The following FBXL7 variants were observed in gnomAD, a reference collection of about 807,000 sequenced individuals.
FBXL7 encodes F-box/LRR-repeat protein 7.
In FBXL7, 12 loss-of-function variants were observed where a neutral mutation model predicts 38.3. That is an observed-to-expected ratio of 0.31 (90% confidence interval 0.20 to 0.51). The LOEUF (loss-of-function observed/expected upper bound fraction) is 0.51. FBXL7 is among the 20% of genes least tolerant of loss of function. The probability of loss-of-function intolerance (pLI) is 0.98; values close to 1 mark genes in which losing one functional copy is unlikely to be tolerated. For missense variants in FBXL7, 567 were observed against 676.4 expected (o/e 0.84, Z 1.79); for synonymous variants, 297 against 300.9 (o/e 0.99, Z 0.13).
chr5:15,641,501 C>T (rs1741367365), intron 2 of FBXL7, among the ~76,000 whole-genome samples: 1 of 140,002 alleles, frequency 7.1e-6, no homozygotes, highest in African/African-American at 2.8e-5. Context: ...TTATGACTGC[C>T]ATTTTTTTTT....
chr5:15,707,281 G>C (rs369410840), intron 2 of FBXL7, among the ~76,000 whole-genome samples: 2 of 148,480 alleles, frequency 1.3e-5, no homozygotes, highest in East Asian at 2.0e-4. Flanking sequence ...AGGGCTGCTG[G>C]TTGTCCATTT....
At chr5:15,935,360 G>A (rs1742153362) in intron 3 of FBXL7, 5 of 385,172 alleles carry the variant, frequency 1.3e-5, no homozygotes, top group Non-Finnish European at 2.6e-5. Context: ...TCTGATTCAA[G>A]GACACCTGGA....
At chr5:15,809,040 A>C (rs1020577566) in intron 2 of FBXL7, among the ~76,000 whole-genome samples, 1 of 152,132 alleles carries the variant, frequency 6.6e-6, no homozygotes, top group African/African-American at 2.4e-5. Context: ...ATTTTAAACC[A>C]ATGTCATAGA....
At chr5:15,799,356 C>CTT (rs34953272) in intron 2 of FBXL7, among the ~76,000 whole-genome samples, 47,367 of 91,084 alleles carry the variant, frequency 0.52, 12,726 homozygotes, top group Non-Finnish European at 0.6. Context: ...AAACCCCTCC[C>CTT]TTTTTTTTTT....
At chr5:15,707,540 G>A (rs1743729386) in intron 2 of FBXL7, among the ~76,000 whole-genome samples, 1 of 152,282 alleles carries the variant, frequency 6.6e-6, no homozygotes. Context: ...AGAGATGACA[G>A]ACGTTTGCAT....
intron 2 of FBXL7, among the ~76,000 whole-genome samples, chr5:15,806,000 C>A (rs889911489): frequency 2.0e-5 from 3 of 152,118 alleles, no homozygotes; most frequent in African/African-American, 7.2e-5. Context: ...TTTTAACCTA[C>A]TTAAAAAACC....
chr5:15,615,161 G>T (rs1384175969), intron 1 of FBXL7, among the ~76,000 whole-genome samples: 1 of 152,166 alleles, frequency 6.6e-6, no homozygotes, highest in Non-Finnish European at 1.5e-5. Context: ...GACATCTGAA[G>T]AATGTTTGGT....
intron 2 of FBXL7, among the ~76,000 whole-genome samples, chr5:15,656,580 C>T (rs1315303988): frequency 2.6e-5 from 4 of 152,102 alleles, no homozygotes; most frequent in Non-Finnish European, 5.9e-5. Flanking sequence ...TTATCTCCCA[C>T]CCGGTCCCTC....
chr5:15,541,445 A>G (rs181089324), intron 1 of FBXL7, among the ~76,000 whole-genome samples: 1,084 of 77,600 alleles, frequency 0.014, 9 homozygotes, highest in African/African-American at 0.031. Context: ...GTGTGTGTGT[A>G]TATATATATA....
At chr5:15,821,052 C>T (rs10053578) in intron 2 of FBXL7, among the ~76,000 whole-genome samples, 5,394 of 152,104 alleles carry the variant, frequency 0.035, 324 homozygotes, top group African/African-American at 0.12. Context: ...GCAAGGATAC[C>T]GCTTATTCAA....
chr5:15,704,979 AATT>A (rs1180105640), intron 2 of FBXL7, among the ~76,000 whole-genome samples: 17 of 151,706 alleles, frequency 1.1e-4, no homozygotes, highest in African/African-American at 3.1e-4. Context: ...AAAAAAAAAA[AATT>A]AAATATATAT....
At chr5:15,730,427 T>G (rs374481641) in intron 2 of FBXL7, among the ~76,000 whole-genome samples, 79 of 152,286 alleles carry the variant, frequency 5.2e-4, no homozygotes, top group Admixed American at 2.3e-3. Context: ...TCTTGAGTGA[T>G]TATTCTTCAT....
chr5:15,650,906 CCATCCATGAGGTTTGGAATCAACTT>C (rs1741686352), intron 2 of FBXL7, among the ~76,000 whole-genome samples: 1 of 152,080 alleles, frequency 6.6e-6, no homozygotes, highest in South Asian at 2.1e-4. Flanking sequence ...CCCCTCAAAG[CCATCCATGAGGTTTGGAATCAACTT>C]CTTCCAAACT....
chr5:15,595,025 A>G (rs1739585412), intron 1 of FBXL7, among the ~76,000 whole-genome samples: 1 of 152,190 alleles, frequency 6.6e-6, no homozygotes, highest in Non-Finnish European at 1.5e-5. Context: ...TATCTAGAAC[A>G]TTGCCATCAG....
intron 2 of FBXL7, among the ~76,000 whole-genome samples, chr5:15,721,136 C>T (rs1247753595): frequency 3.3e-5 from 5 of 152,106 alleles, no homozygotes; most frequent in African/African-American, 4.8e-5. Context: ...AGGTATAATG[C>T]TCATTCATAT....
chr5:15,665,048 C>CT (rs1287796903), intron 2 of FBXL7, among the ~76,000 whole-genome samples: 3 of 152,226 alleles, frequency 2.0e-5, no homozygotes, highest in Admixed American at 6.5e-5. Flanking sequence ...TCATTCCTCT[C>CT]TTTTTTCTTC....
At chr5:15,813,337 A>G (rs1737920401) in intron 2 of FBXL7, among the ~76,000 whole-genome samples, 2 of 152,216 alleles carry the variant, frequency 1.3e-5, no homozygotes, top group South Asian at 4.1e-4. Context: ...AGGATTCCCT[A>G]TTTAATAAAC....
chr5:15,626,266 T>C (rs997572693), intron 2 of FBXL7, among the ~76,000 whole-genome samples: 3 of 152,182 alleles, frequency 2.0e-5, no homozygotes, highest in Middle Eastern at 3.2e-3. Flanking sequence ...TTTGAAAAAC[T>C]GCACCACTTA....
chr5:15,589,748 G>A (rs1018124459), intron 1 of FBXL7, among the ~76,000 whole-genome samples: 3 of 152,160 alleles, frequency 2.0e-5, no homozygotes, highest in Non-Finnish European at 2.9e-5. Flanking sequence ...GCCATGCATT[G>A]ATGTTTTTGT....
Sources: allele counts gnomAD v4.1 joint callset (sites outside exome capture counted in the v4.1 genomes callset), GRCh38; gene constraint gnomAD v4.1.1; transcripts MANE v1.5; gene names NCBI Gene and HGNC (gene_info 2026-07-23, HGNC 2026-07-21).